The following TACR1 variants were observed in gnomAD, a reference collection of about 807,000 sequenced individuals.
TACR1 encodes tachykinin receptor 1, also known as substance-P receptor.
A neutral mutation model predicts 35.8 loss-of-function variants in TACR1; 25 were observed. The observed-to-expected ratio is 0.70, with a 90% CI of 0.51 to 0.98. The LOEUF (loss-of-function observed/expected upper bound fraction) is 0.98, where lower values mean the gene tolerates loss of function less well. TACR1 is among the 50% of genes least tolerant of loss of function. TACR1 has a pLI of 0.00. For missense variants in TACR1, 478 were observed against 522.9 expected (o/e 0.91, Z 0.84); for synonymous variants, 195 against 206.7 (o/e 0.94, Z 0.48).
At chr2:75,072,460 G>A (rs1672901481) in intron 2 of TACR1, among the ~76,000 whole-genome samples, 1 of 152,148 alleles carries the variant, frequency 6.6e-6, no homozygotes, top group Non-Finnish European at 1.5e-5. Flanking sequence ...GAAAATATAG[G>A]GCAGAAAAGT....
At chr2:75,185,120 A>G (rs144699501) in intron 1 of TACR1, among the ~76,000 whole-genome samples, 1 of 152,132 alleles carries the variant, frequency 6.6e-6, no homozygotes, top group African/African-American at 2.4e-5. Flanking sequence ...TCATTGTAGG[A>G]CAAAAGTAAT....
At chr2:75,075,934 G>A (rs551361905) in intron 2 of TACR1, among the ~76,000 whole-genome samples, 72 of 152,296 alleles carry the variant, frequency 4.7e-4, no homozygotes, top group African/African-American at 1.7e-3. Context: ...TAACTTGTTT[G>A]AATCTACATA....
intron 1 of TACR1, among the ~76,000 whole-genome samples, chr2:75,192,134 G>C (rs567584223): frequency 6.6e-6 from 1 of 152,216 alleles, no homozygotes; most frequent in South Asian, 2.1e-4. Context: ...GGTGATGCTA[G>C]ACAGAGTGAT....
intron 2 of TACR1, among the ~76,000 whole-genome samples, chr2:75,080,304 C>G (rs1466139646): frequency 6.6e-6 from 1 of 152,154 alleles, no homozygotes; most frequent in East Asian, 1.9e-4. Flanking sequence ...AGAGGCAGAA[C>G]TCACACAAAG....
chr2:75,119,589 T>C (rs986764559), intron 2 of TACR1, among the ~76,000 whole-genome samples: 1 of 152,228 alleles, frequency 6.6e-6, no homozygotes, highest in African/African-American at 2.4e-5. Context: ...CATTTCAATG[T>C]TGTTTCAAGG....
At chr2:75,165,002 A>G (rs531449929) in intron 1 of TACR1, among the ~76,000 whole-genome samples, 5 of 152,230 alleles carry the variant, frequency 3.3e-5, no homozygotes, top group Admixed American at 3.3e-4. Flanking sequence ...ATTGTAGAGG[A>G]TGTGTGGAGG....
chr2:75,080,526 T>C (rs3771810), intron 2 of TACR1, among the ~76,000 whole-genome samples: 32,979 of 152,078 alleles, frequency 0.22, 4,310 homozygotes, highest in Admixed American at 0.33. Flanking sequence ...GAATTGCCCA[T>C]TATATAAGAG....
intron 1 of TACR1, among the ~76,000 whole-genome samples, chr2:75,123,536 A>G (rs1207102083): frequency 6.6e-6 from 1 of 152,196 alleles, no homozygotes; most frequent in Non-Finnish European, 1.5e-5. Context: ...AACGCACTTC[A>G]GTTAACTCTC....
intron 1 of TACR1, among the ~76,000 whole-genome samples, chr2:75,122,882 G>T (rs1425290085): frequency 6.6e-6 from 1 of 152,192 alleles, no homozygotes; most frequent in Non-Finnish European, 1.5e-5. Context: ...CCATCTCTGG[G>T]GTAGTCCCTT....
chr2:75,069,728 T>C (rs539895605), intron 2 of TACR1, among the ~76,000 whole-genome samples: 12 of 152,330 alleles, frequency 7.9e-5, no homozygotes, highest in South Asian at 2.1e-4. Flanking sequence ...CAGTCCCTTA[T>C]CTGGAATTTG....
At chr2:75,133,617 G>A (rs1674221062) in intron 1 of TACR1, among the ~76,000 whole-genome samples, 1 of 152,140 alleles carries the variant, frequency 6.6e-6, no homozygotes, top group Non-Finnish European at 1.5e-5. Context: ...TGGCAGTCTG[G>A]CTTCGGCACC....
chr2:75,069,447 C>A (rs1677809687), intron 2 of TACR1, among the ~76,000 whole-genome samples: 1 of 152,028 alleles, frequency 6.6e-6, no homozygotes. Context: ...AGTGGCTATT[C>A]CACAGCCAGT....
At position 75,159,478 on chromosome 2, in the gene TACR1, C is replaced by G. The variant is rs375460984; in HGVS notation, c.390-38710G>C. Among the ~76,000 whole-genome samples the G allele has an allele frequency of 3.3e-5, 5 of 152,000 alleles. No individual in the cohort carries two copies. In the East Asian group the frequency reaches 5.8e-4, roughly 18 times the overall value. ...GTAAAACTGGAAACTCCGAGAATTC[C>G]TCAGTGATATGCCAGGAAACAGGAA... is the stretch of plus-strand genomic sequence containing the variant. On this transcript the variant is annotated intron_variant, in intron 1 of 4. Transcript: ENST00000305249.
intron 1 of TACR1, among the ~76,000 whole-genome samples, chr2:75,169,809 G>T (rs1016574840): frequency 1.3e-5 from 2 of 152,118 alleles, no homozygotes; most frequent in Admixed American, 1.3e-4. Flanking sequence ...AGTATGTGGA[G>T]TTGGATTTCT....
At chr2:75,143,345 A>T (rs72807399) in intron 1 of TACR1, among the ~76,000 whole-genome samples, 141 of 152,370 alleles carry the variant, frequency 9.3e-4, no homozygotes, top group Non-Finnish European at 1.7e-3. Flanking sequence ...CTTCTGGAAC[A>T]AGATGGAAAT....
chr2:75,197,326 T>C (rs1676017952), intron 1 of TACR1, among the ~76,000 whole-genome samples: 1 of 152,218 alleles, frequency 6.6e-6, no homozygotes, highest in Non-Finnish European at 1.5e-5. Flanking sequence ...CTTCTAATAA[T>C]TTGCAAGTTA....
intron 2 of TACR1, among the ~76,000 whole-genome samples, chr2:75,082,696 T>C (rs1673113673): frequency 6.6e-6 from 1 of 152,274 alleles, no homozygotes; most frequent in Non-Finnish European, 1.5e-5. Context: ...CATTTTTTCA[T>C]GTGTCTTTTG....
chr2:75,186,371 CA>C (rs373147504), intron 1 of TACR1, among the ~76,000 whole-genome samples: 5,468 of 81,738 alleles, frequency 0.067, 67 homozygotes, highest in Non-Finnish European at 0.076. Context: ...GACTCTGTCT[CA>C]AAAAAAAAAA....
Position 75,114,420 on chromosome 2 carries a change from G to A in TACR1, c.584+6154C>T, listed in dbSNP as rs572155322. Among the ~76,000 whole-genome samples the A allele has an allele frequency of 1.4e-3, 217 of 152,142 alleles. 3 individuals carry two copies. Among genetic ancestry groups the A allele is most frequent in the African/African-American group, 4.5e-3 (187 of 41,508 alleles). On this transcript the variant is annotated intron_variant, in intron 2 of 4. Transcript: ENST00000305249. The stretch of plus-strand genomic sequence containing the variant: ...TCATTACAGATTTTTTCTTGGCCTT[G>A]ATTGTGGGTTCTCTGATGAAGAAAT...
Sources: allele counts gnomAD v4.1 joint callset (sites outside exome capture counted in the v4.1 genomes callset), GRCh38; gene constraint gnomAD v4.1.1; transcripts MANE v1.5; gene names NCBI Gene and HGNC (gene_info 2026-07-23, HGNC 2026-07-21).